The following ATP6V1C2 variants were observed in gnomAD, a reference collection of about 807,000 sequenced individuals.
ATP6V1C2 encodes the protein V-type proton ATPase subunit C 2.
Under a neutral mutation model 56.8 loss-of-function variants are expected in ATP6V1C2, and 45 were observed. That is an observed-to-expected ratio of 0.79 (90% CI 0.62 to 1.02). The LOEUF is 1.02. Among genes scored for constraint, ATP6V1C2 ranks in the 50% least tolerant of loss-of-function variants. The pLI, the probability that ATP6V1C2 is intolerant of heterozygous loss-of-function variation, is 0.00. For synonymous variants in ATP6V1C2, 220 were observed against 201.3 expected, an observed-to-expected ratio of 1.09 and a Z score of -0.79; for missense variants, 463 against 519.7, an observed-to-expected ratio of 0.89 and a Z score of 1.06.
intron 3 of ATP6V1C2, among the ~76,000 whole-genome samples, chr2:10,736,429 G>A (rs1662249276): frequency 6.6e-6 from 1 of 152,170 alleles, no homozygotes. Context: ...ACTCTTTCAA[G>A]TTATTTGAAT....
intron 3 of ATP6V1C2, among the ~76,000 whole-genome samples, chr2:10,745,994 T>C (rs1210326017): frequency 1.3e-5 from 2 of 152,212 alleles, no homozygotes; most frequent in East Asian, 3.8e-4. Flanking sequence ...CCACATTCTA[T>C]GTATCCACTC....
intron 4 of ATP6V1C2, among the ~76,000 whole-genome samples, chr2:10,756,347 G>A (rs1465117187): frequency 2.0e-5 from 3 of 151,634 alleles, no homozygotes; most frequent in Non-Finnish European, 4.4e-5. Context: ...GTGACAGAGT[G>A]AGACTCTGTC....
chr2:10,781,432 C>T lies in ATP6V1C2; in HGVS notation c.1062-811C>T, dbSNP rs571899274. On this transcript the variant is annotated intron_variant, in intron 12 of 13. Transcript: ENST00000272238. ...AGTGGAGGCTGCAGTGAGCCGAGAT[C>T]GCACCATTGCACTCCAGCCTGCGTG... 2.6e-5 allele frequency among the ~76,000 whole-genome samples: 4 copies of T among 151,948 alleles called. No individual in the cohort carries two copies. The East Asian group carries it at 5.8e-4, about 22-fold the overall frequency.
At chr2:10,762,801 T>C (rs1381530172) in intron 4 of ATP6V1C2, among the ~76,000 whole-genome samples, 3 of 152,066 alleles carry the variant, frequency 2.0e-5, no homozygotes, top group Non-Finnish European at 4.4e-5. Flanking sequence ...GCCTGCGTCA[T>C]TGCCTTGCAC....
intron 3 of ATP6V1C2, among the ~76,000 whole-genome samples, chr2:10,745,946 C>T (rs914536782): frequency 2.0e-5 from 3 of 152,212 alleles, no homozygotes; most frequent in Non-Finnish European, 4.4e-5. Context: ...GAATTCCCTT[C>T]CTTTTAAGGC....
intron 3 of ATP6V1C2, among the ~76,000 whole-genome samples, chr2:10,731,166 C>G (rs1427809475): frequency 6.6e-6 from 1 of 152,062 alleles, no homozygotes; most frequent in Non-Finnish European, 1.5e-5. Flanking sequence ...CCAGGCTGGT[C>G]TCGAACTCCT....
At chr2:10,720,969 A>G (rs1472884000), upstream of ATP6V1C2, 5 of 152,118 alleles carry the variant, frequency 3.3e-5, no homozygotes, top group African/African-American at 1.2e-4. Context: ...GACAGCACCG[A>G]TCATGAACTC....
chr2:10,727,223 C>T (rs955812110), intron 3 of ATP6V1C2, among the ~76,000 whole-genome samples: 2 of 151,950 alleles, frequency 1.3e-5, no homozygotes, highest in Non-Finnish European at 2.9e-5. Context: ...ACACCCTCCA[C>T]CATGCCCAGC....
At chr2:10,771,747 C>T in intron 6 of ATP6V1C2, 92 bp from the exon 7 acceptor site, 1 of 944,048 alleles carries the variant, frequency 1.1e-6, no homozygotes, top group Non-Finnish European at 1.7e-6. Context: ...TCCTTGAGAA[C>T]TGCCCCCAGT....
chr2:10,783,566 TAAC>T lies in ATP6V1C2; in HGVS notation c.*308_*310del, dbSNP rs1289224660. 1.0e-5 allele frequency: 3 copies of T among 290,152 alleles called. No homozygotes were observed. The highest frequency in any genetic ancestry group is 2.0e-5 in the Non-Finnish European group (3 of 151,094). The allele number at this position is 290,152 out of a possible 1,614,324, so 18.0% of individuals were successfully genotyped here. ...TCTTAACGGCTATTTTGAGGTTCAT[TAAC>T]AACATAGAAAGCCTTGAACTGTATA... On this transcript the variant is annotated 3_prime_UTR_variant, in exon 14 of 14. Transcript: ENST00000272238.
rs7598588 is a variant in ATP6V1C2, at chr2:10,778,772, C to T, written c.1061+103C>T. 7,698 of 1,093,536 alleles carry T rather than the reference C, an allele frequency of 7.0e-3. 377 individuals carry two copies. In the African/African-American group the frequency reaches 0.1, roughly 15 times the overall value. 67.7% of individuals were successfully genotyped at this position (1,093,536 alleles called of 1,614,324 possible). A position where few individuals can be genotyped will look rare whatever the true frequency, so the allele number is the denominator to read the frequency against. ...TCCTGCCTTCTCTCCATCCTCCACC[C>T]GTCTCCTTTCTGAGACTGTGGCTGT... On this transcript the variant is annotated intron_variant, in intron 12 of 13. Coordinates refer to ENST00000272238, the MANE Select transcript of ATP6V1C2 (RefSeq NM_001039362.2).
chr2:10,768,966 C>T (rs66538971), intron 6 of ATP6V1C2, among the ~76,000 whole-genome samples, 156 bp downstream of exon 6: 25,373 of 152,164 alleles, frequency 0.17, 2,289 homozygotes, highest in Non-Finnish European at 0.2. Flanking sequence ...CCAAGAGCCG[C>T]GTGCTGGGAG....
chr2:10,733,723 G>T (rs1662093216), intron 3 of ATP6V1C2, among the ~76,000 whole-genome samples: 1 of 151,982 alleles, frequency 6.6e-6, no homozygotes, highest in African/African-American at 2.4e-5. Flanking sequence ...TTGATTGACA[G>T]AGTGCATTTC....
In ATP6V1C2 at chr2:10,782,357, C is replaced by T. The variant is rs1402831882; in HGVS notation, c.1176C>T (p.Ala392=). Residue 392 remains alanine (A), a synonymous_variant, in exon 13 of 14, where the codon GCC becomes GCT. Transcript: ENST00000272238. ...TCTTCCGACATCTGGATGAAGTAGC[C>T]GCTACAAGTATACTGGATGTAGGTA... ...NSVFRHLDEV[A]ATSILDASVE... The T allele has an allele frequency of 2.2e-5, 35 of 1,614,118 alleles. No homozygotes were observed. Among genetic ancestry groups the T allele is most frequent in the African/African-American group, 2.7e-5 (2 of 75,034 alleles).
chr2:10,782,985 C>T lies in ATP6V1C2; in HGVS notation c.1195-189C>T, dbSNP rs115435606. ...CAAAAACAAAACAAAGCAAAACTAT[C>T]TGTCAGCCTGTTATGAAAATCTACA... On this transcript the variant is annotated intron_variant, in intron 13 of 13. Coordinates refer to ENST00000272238, the MANE Select transcript of ATP6V1C2 (RefSeq NM_001039362.2). 3.7e-3 allele frequency among the ~76,000 whole-genome samples: 564 copies of T among 152,096 alleles called. 5 individuals are homozygous for T. The highest frequency in any genetic ancestry group is 0.013 in the African/African-American group (545 of 41,486).
intron 3 of ATP6V1C2, among the ~76,000 whole-genome samples, chr2:10,738,239 G>T (rs1211846777): frequency 6.6e-6 from 1 of 152,154 alleles, no homozygotes; most frequent in African/African-American, 2.4e-5. Context: ...CTTGCTCTGT[G>T]GTAGGCCCCT....
At chr2:10,745,717 A>G (rs1008886010) in intron 3 of ATP6V1C2, among the ~76,000 whole-genome samples, 2 of 152,044 alleles carry the variant, frequency 1.3e-5, no homozygotes, top group Non-Finnish European at 2.9e-5. Context: ...CCCTCCACCC[A>G]CAGGACTTTT....
chr2:10,753,445 C>T (rs925362667), intron 3 of ATP6V1C2, among the ~76,000 whole-genome samples: 3 of 151,986 alleles, frequency 2.0e-5, no homozygotes, highest in East Asian at 1.9e-4. Flanking sequence ...TGAAGAACAT[C>T]GTTTTATTCA....
chr2:10,752,598 C>T (rs1391187375), intron 3 of ATP6V1C2, among the ~76,000 whole-genome samples: 1 of 152,220 alleles, frequency 6.6e-6, no homozygotes, highest in Non-Finnish European at 1.5e-5. Flanking sequence ...ACTCTCCTTG[C>T]TACCAGATGA....
Sources: gnomAD v4.1 joint callset for allele counts (sites outside exome capture counted in the v4.1 genomes callset) on GRCh38, gnomAD v4.1.1 for gene constraint, MANE v1.5 for transcripts, NCBI Gene and HGNC (gene_info 2026-07-23, HGNC 2026-07-21) for gene names.